The following PLPPR1 variants were observed in gnomAD, a reference collection of about 807,000 sequenced individuals.
The protein encoded by PLPPR1 is phospholipid phosphatase related 1, also known as phospholipid phosphatase-related protein type 1.
A neutral mutation model predicts 33.1 loss-of-function variants in PLPPR1; 10 were observed. That is an observed-to-expected ratio of 0.30 (90% CI 0.19 to 0.51). The LOEUF (loss-of-function observed/expected upper bound fraction) is 0.51. Among genes scored for constraint, PLPPR1 ranks in the 20% least tolerant of loss-of-function variants. The probability of loss-of-function intolerance (pLI) is 0.97; values close to 1 mark genes in which losing one functional copy is unlikely to be tolerated. For synonymous variants in PLPPR1, 151 were observed against 151.0 expected (o/e 1.00, Z 0.00); for missense variants, 304 against 408.1 (o/e 0.74, Z 2.20).
chr9:101,081,691 T>G (rs1278461175), intron 1 of PLPPR1, among the ~76,000 whole-genome samples: 4 of 152,248 alleles, frequency 2.6e-5, no homozygotes, highest in Non-Finnish European at 1.5e-5. Context: ...CATATCGACA[T>G]GGTCCAATTC....
chr9:101,113,880 C>T (rs1416292208), intron 1 of PLPPR1, among the ~76,000 whole-genome samples: 1 of 152,042 alleles, frequency 6.6e-6, no homozygotes, highest in Admixed American at 6.6e-5. Context: ...CTCTGCCCAG[C>T]AATAAATGAA....
chr9:101,293,187 A>G (rs1320967897), intron 4 of PLPPR1, among the ~76,000 whole-genome samples: 1 of 151,606 alleles, frequency 6.6e-6, no homozygotes, highest in Non-Finnish European at 1.5e-5. Context: ...AAACCAACAA[A>G]GATCAAAAGA....
At chr9:101,269,701 G>A (rs1291603516) in intron 2 of PLPPR1, 179 bp from the exon 3 acceptor site, 1 of 627,530 alleles carries the variant, frequency 1.6e-6, no homozygotes, top group Non-Finnish European at 2.9e-6. Context: ...TAGAACAGAT[G>A]TTACAAGGCA....
intron 2 of PLPPR1, among the ~76,000 whole-genome samples, chr9:101,213,193 C>T (rs1377033184): frequency 6.6e-6 from 1 of 152,104 alleles, no homozygotes; most frequent in Non-Finnish European, 1.5e-5. Context: ...GCAAACTTAC[C>T]ATTCTTCTAC....
intron 2 of PLPPR1, among the ~76,000 whole-genome samples, chr9:101,250,756 C>G (rs1204155130): frequency 6.6e-6 from 1 of 151,980 alleles, no homozygotes; most frequent in African/African-American, 2.4e-5. Context: ...ATAGAATCAC[C>G]ATGATTATAC....
rs1828078054 is a variant in PLPPR1 at position 101,270,554 on chromosome 9, G to T, written c.252+486G>T. On this transcript the variant is annotated intron_variant, in intron 3 of 7. Transcript: ENST00000374874. ...AGAGAAATTGCTTAACCTGAAGTTT[G>T]CTGTGATTCATTCTTGATGGCTCTG... 2.6e-5 allele frequency among the ~76,000 whole-genome samples: 4 copies of T among 152,148 alleles called. No individual in the cohort carries two copies. The South Asian group carries it at 8.3e-4, about 32-fold the overall frequency.
Position 101,309,481 on chromosome 9 carries a change from C to G in PLPPR1, c.636+20C>G. On this transcript the variant is annotated intron_variant, in intron 5 of 7. Coordinates refer to ENST00000374874, the MANE Select transcript of PLPPR1 (RefSeq NM_207299.2). ...GCCACGGTGAGTGTGCAAGTCTTGT[C>G]TCTCCTAAGTCCAGTTTTTGATAGG... is the stretch of plus-strand genomic sequence containing the variant. 6.2e-7 allele frequency: 1 copy of G among 1,610,780 alleles called. No individual in the cohort carries two copies. Among genetic ancestry groups the G allele is most frequent in the Non-Finnish European group, 8.5e-7 (1 of 1,177,810 alleles).
intron 2 of PLPPR1, among the ~76,000 whole-genome samples, chr9:101,263,226 C>T (rs550416380): frequency 7.9e-5 from 12 of 152,092 alleles, no homozygotes; most frequent in Non-Finnish European, 1.6e-4. Flanking sequence ...TATCCTGTTA[C>T]GTTGTTTACA....
intron 4 of PLPPR1, among the ~76,000 whole-genome samples, chr9:101,297,633 C>T (rs1828673135): frequency 6.6e-6 from 1 of 152,142 alleles, no homozygotes; most frequent in South Asian, 2.1e-4. Flanking sequence ...CTTCTCTATC[C>T]ACTTCTAAAC....
intron 1 of PLPPR1, among the ~76,000 whole-genome samples, chr9:101,114,806 C>T (rs1033883147): frequency 7.2e-5 from 11 of 152,228 alleles, no homozygotes; most frequent in African/African-American, 2.2e-4. Flanking sequence ...GAATGGTCAG[C>T]GAGGGGTTAC....
intron 1 of PLPPR1, among the ~76,000 whole-genome samples, chr9:101,165,674 A>G (rs1825843519): frequency 6.6e-6 from 1 of 152,152 alleles, no homozygotes; most frequent in Non-Finnish European, 1.5e-5. Flanking sequence ...AAAAGGACAG[A>G]AGAGGAGGCT....
intron 1 of PLPPR1, among the ~76,000 whole-genome samples, chr9:101,163,684 T>C (rs1825802383): frequency 6.6e-6 from 1 of 152,036 alleles, no homozygotes; most frequent in Admixed American, 6.6e-5. Context: ...CAGCAAGTAC[T>C]AAGACAAAAA....
intron 6 of PLPPR1, among the ~76,000 whole-genome samples, chr9:101,316,024 G>A (rs1829044683): frequency 6.6e-6 from 1 of 152,144 alleles, no homozygotes; most frequent in Non-Finnish European, 1.5e-5. Context: ...TTATAGATGA[G>A]GAAAATGAGG....
At chr9:101,254,463 A>C (rs944977456) in intron 2 of PLPPR1, among the ~76,000 whole-genome samples, 2 of 152,070 alleles carry the variant, frequency 1.3e-5, no homozygotes, top group African/African-American at 2.4e-5. Flanking sequence ...AATACAGAAG[A>C]AGCTTTGCTC....
chr9:101,041,973 G>T (rs143891666), intron 1 of PLPPR1, among the ~76,000 whole-genome samples: 2 of 152,288 alleles, frequency 1.3e-5, no homozygotes, highest in East Asian at 3.9e-4. Flanking sequence ...CTTAAAAGAT[G>T]TTAGCTTTTA....
chr9:101,143,902 A>C (rs1458230066), intron 1 of PLPPR1, among the ~76,000 whole-genome samples: 7 of 152,148 alleles, frequency 4.6e-5, no homozygotes, highest in East Asian at 3.9e-4. Context: ...ACTAGAAATA[A>C]CATTTGACCC....
intron 1 of PLPPR1, among the ~76,000 whole-genome samples, chr9:101,138,549 G>C (rs1006544232): frequency 2.0e-5 from 3 of 152,108 alleles, no homozygotes; most frequent in Non-Finnish European, 4.4e-5. Context: ...TCACAAGTAA[G>C]GAAATCAAGA....
intron 4 of PLPPR1, among the ~76,000 whole-genome samples, chr9:101,291,643 TG>T (rs1456815470): frequency 9.2e-5 from 14 of 152,220 alleles, no homozygotes; most frequent in Admixed American, 2.6e-4. Flanking sequence ...GAAAATCCGC[TG>T]TTCTGCAGCC....
intron 1 of PLPPR1, among the ~76,000 whole-genome samples, chr9:101,128,183 G>C (rs1831269453): frequency 6.6e-6 from 1 of 152,104 alleles, no homozygotes. Context: ...GAAAAACTGG[G>C]ACCATAGTTT....
Sources: allele counts gnomAD v4.1 joint callset (sites outside exome capture counted in the v4.1 genomes callset), GRCh38; gene constraint gnomAD v4.1.1; transcripts MANE v1.5; gene names NCBI Gene and HGNC (gene_info 2026-07-23, HGNC 2026-07-21).